Variants in GPR143 observed in about 807,000 individuals in gnomAD.
GPR143 encodes the protein G protein-coupled receptor 143.
A neutral mutation model predicts 27.6 loss-of-function variants in GPR143; 8 were observed. The ratio of observed to expected loss-of-function variants is 0.29; its 90% confidence interval spans 0.17 to 0.52. The LOEUF is 0.52. GPR143 is among the 20% of genes least tolerant of loss of function. GPR143 has a pLI of 0.96. For missense variants in GPR143, 303 were observed against 343.1 expected, an observed-to-expected ratio of 0.88 and a Z score of 0.92; for synonymous variants, 156 against 153.2, an observed-to-expected ratio of 1.02 and a Z score of -0.13.
chrX:9,731,095 T>C (rs1053452868), intron 8 of GPR143, among the ~76,000 whole-genome samples: 3 of 112,018 alleles, frequency 2.7e-5, no homozygotes. Context: ...AGAGAATACT[T>C]ATTTATATTT....
intron 5 of GPR143, among the ~76,000 whole-genome samples, chrX:9,745,371 G>A (rs935772417): frequency 1.8e-5 from 2 of 112,380 alleles, no homozygotes. Context: ...CAATCAACAG[G>A]TGATCTTCAA....
At chrX:9,729,611 A>G (rs2083344323) in intron 8 of GPR143, among the ~76,000 whole-genome samples, 1 of 112,319 alleles carries the variant, frequency 8.9e-6, no homozygotes, top group Non-Finnish European at 1.9e-5. Flanking sequence ...CTGGTCTTAA[A>G]GGTCTCTGTG....
intron 1 of GPR143, among the ~76,000 whole-genome samples, chrX:9,773,510 CAT>C (rs752880259): frequency 4.6e-5 from 5 of 108,322 alleles, no homozygotes; most frequent in African/African-American, 1.4e-4. Context: ...CACACACACA[CAT>C]AAACACACAC....
chrX:9,743,884 A>C (rs752681879), intron 5 of GPR143, among the ~76,000 whole-genome samples: 1 of 112,786 alleles, frequency 8.9e-6, no homozygotes, highest in Non-Finnish European at 1.9e-5. Context: ...GCTTTGAAAT[A>C]ATTTTAGATT....
chrX:9,754,460 G>T (rs986362312), intron 3 of GPR143, among the ~76,000 whole-genome samples: 5 of 111,168 alleles, frequency 4.5e-5, no homozygotes, highest in African/African-American at 1.3e-4. Context: ...TCTGCAAAGG[G>T]CTGGGTGTTT....
chrX:9,742,711 T>G (rs1040964182), intron 6 of GPR143, among the ~76,000 whole-genome samples: 3 of 111,837 alleles, frequency 2.7e-5, no homozygotes, highest in Non-Finnish European at 5.6e-5. Flanking sequence ...AGAGACAAAC[T>G]GCTCAGGCCG....
chrX:9,764,532 A>G (rs1411909111), intron 1 of GPR143, among the ~76,000 whole-genome samples: 1 of 100,798 alleles, frequency 9.9e-6, no homozygotes. Context: ...ACACACACAC[A>G]CACACACACA....
At position 9,746,068 on chromosome X, in the gene GPR143, G is replaced by C. The variant is rs370624819; in HGVS notation, c.634C>G (p.Leu212Val). ...CCTGCAGTCACTGTCTTTTGGAACAGGATGGGGTTCGCCACGAGAACCAGC... is the reference window on the plus strand; with the variant it reads ...CCTGCAGTCACTGTCTTTTGGAACACGATGGGGTTCGCCACGAGAACCAGC... ...LLLVLVANPI[L>V]FQKTVTAVAS... Residue 212 changes from leucine (L) to valine (V), a missense_variant, in exon 5 of 9, where the codon CTG (leucine) becomes GTG (valine). Coordinates refer to ENST00000467482, the MANE Select transcript of GPR143 (RefSeq NM_000273.3). 16 of 1,191,954 alleles carry C rather than the reference G, an allele frequency of 1.3e-5. No homozygotes were observed. Among genetic ancestry groups the C allele is most frequent in the Non-Finnish European group, 1.8e-5 (16 of 878,871 alleles).
chrX:9,741,212 G>A (rs2146685574), intron 7 of GPR143, 126 bp downstream of exon 7: 1 of 427,688 alleles, frequency 2.3e-6, no homozygotes, highest in East Asian at 4.0e-5. Flanking sequence ...GAGCCCAGGA[G>A]TTTAAGGCTG....
chrX:9,778,023 G>A (rs1016456315), intron 1 of GPR143, among the ~76,000 whole-genome samples: 10 of 110,357 alleles, frequency 9.1e-5, no homozygotes, highest in East Asian at 2.8e-4. Flanking sequence ...CCTGGGAGGC[G>A]GAGCTCACAG....
At position 9,765,842 on chromosome X, in the gene GPR143, G is replaced by C; in HGVS notation, c.-25C>G. On this transcript the variant is annotated 5_prime_UTR_variant, in exon 1 of 9. Coordinates refer to ENST00000467482, the MANE Select transcript of GPR143 (RefSeq NM_000273.3). Reference sequence around the variant, plus strand: ...TGGGCTGTGTTCGCGGACGCGGCTCGGGTGTGCCAGGACCCCGCCGGCCTG... The same window carrying C: ...TGGGCTGTGTTCGCGGACGCGGCTCCGGTGTGCCAGGACCCCGCCGGCCTG... 9.4e-7 allele frequency: 1 copy of C among 1,058,211 alleles called. No individual in the cohort carries two copies. Among genetic ancestry groups the C allele is most frequent in the Non-Finnish European group, 1.2e-6 (1 of 820,902 alleles). The allele number at this position is 1,058,211 out of a possible 1,213,427, so 87.2% of individuals were successfully genotyped here.
intron 3 of GPR143, among the ~76,000 whole-genome samples, chrX:9,758,028 T>A (rs944292231): frequency 1.8e-5 from 2 of 111,002 alleles, no homozygotes; most frequent in African/African-American, 6.6e-5. Context: ...CATCCCAAAG[T>A]TCTGGGATTA....
chrX:9,760,753 C>T lies in GPR143; in HGVS notation c.324G>A (p.Thr108=), dbSNP rs1325423272. ...FVDSVSDMNH[T]EIWPAAFCVG... The stretch of plus-strand genomic sequence containing the variant: ...CGCAGAAAGCAGCAGGCCAAATTTC[C>T]GTGTGGTTCATATCCGAGACGCTGT... Residue 108 remains threonine (T), a synonymous_variant, in exon 2 of 9, where the codon ACG becomes ACA. Transcript: ENST00000467482. 6 of 1,196,545 alleles carry T rather than the reference C, an allele frequency of 5.0e-6. No homozygotes were observed. The highest frequency in any genetic ancestry group is 3.0e-5 in the East Asian group (1 of 33,654).
At chrX:9,764,250 C>T (rs748116571) in intron 1 of GPR143, among the ~76,000 whole-genome samples, 11 of 111,258 alleles carry the variant, frequency 9.9e-5, no homozygotes, top group Non-Finnish European at 1.9e-4. Context: ...GTGATTGTGA[C>T]ACTGCACTCA....
chrX:9,746,152 A>C lies in GPR143; in HGVS notation c.550T>G (p.Cys184Gly), dbSNP rs757124449. The C allele has an allele frequency of 8.8e-6, 10 of 1,138,942 alleles. No homozygotes were observed. Among genetic ancestry groups the C allele is most frequent in the Non-Finnish European group, 1.1e-5 (9 of 828,805 alleles). The allele number at this position is 1,138,942 out of a possible 1,213,427, so 93.9% of individuals were successfully genotyped here. Residue 184 changes from cysteine to glycine, a missense_variant and splice_region_variant, in exon 5 of 9, where the codon TGT becomes GGT. Cys to Gly is a radical substitution (Grantham distance 159). Coordinates refer to ENST00000467482, the MANE Select transcript of GPR143 (RefSeq NM_000273.3). Reference sequence around the variant, plus strand: ...ATGGCGTGGTCCAGGCCCCGCTCACACCTGAGAGAGGAAAACCAAAGTCAT... The same window carrying C: ...ATGGCGTGGTCCAGGCCCCGCTCACCCCTGAGAGAGGAAAACCAAAGTCAT... ...AMLYYPSVSR[C>G]ERGLDHAIPH... is the part of the protein sequence containing the mutation.
chrX:9,751,209 A>G (rs968301500), intron 3 of GPR143, among the ~76,000 whole-genome samples: 14 of 112,505 alleles, frequency 1.2e-4, no homozygotes, highest in Non-Finnish European at 2.6e-4. Flanking sequence ...GCTTTCTGCT[A>G]CTTACGCTGC....
chrX:9,739,655 C>G lies in GPR143; in HGVS notation c.950G>C (p.Ser317Thr), dbSNP rs759315924. 1 of 1,197,803 alleles carries G rather than the reference C, an allele frequency of 8.3e-7. No individual in the cohort carries two copies. The highest frequency in any genetic ancestry group is 3.0e-5 in the East Asian group (1 of 33,348). Residue 317 changes from serine (S) to threonine (T), a missense_variant, in exon 8 of 9, where the codon AGC becomes ACC. By Grantham distance (58) the Ser-to-Thr change is moderately conservative (BLOSUM62 1). Coordinates refer to ENST00000467482, the MANE Select transcript of GPR143 (RefSeq NM_000273.3). Reference protein sequence around the residue: ...SLAFYGWTGCSLGFQSPRKEI... With the variant: ...SLAFYGWTGCTLGFQSPRKEI... ...CTTCCTGGGAGACTGAAAACCCAGGCTGCATCCTGTCCAGCCGTAGAAGGC... is the reference window on the plus strand; with the variant it reads ...CTTCCTGGGAGACTGAAAACCCAGGGTGCATCCTGTCCAGCCGTAGAAGGC...
chrX:9,766,415 T>G (rs991547037), upstream of GPR143, among the ~76,000 whole-genome samples: 2 of 111,997 alleles, frequency 1.8e-5, no homozygotes, highest in South Asian at 3.7e-4. Context: ...CGTTTACAAT[T>G]AATGAATGAA....
At chrX:9,772,011 G>C (rs908454080) in intron 1 of GPR143, among the ~76,000 whole-genome samples, 1 of 111,050 alleles carries the variant, frequency 9.0e-6, no homozygotes, top group East Asian at 2.8e-4. Flanking sequence ...GCGCCCGGCT[G>C]GAGCATTCTC....
Sources: gnomAD v4.1 joint callset for allele counts (sites outside exome capture counted in the v4.1 genomes callset) on GRCh38, gnomAD v4.1.1 for gene constraint, MANE v1.5 for transcripts, NCBI Gene and HGNC (gene_info 2026-07-23, HGNC 2026-07-21) for gene names.